TNS3: variants seen among roughly 807,000 people sequenced by gnomAD.
TNS3 encodes the protein tensin 3.
A neutral mutation model predicts 140.9 loss-of-function variants in TNS3; 45 were observed. That is an observed-to-expected ratio of 0.32 (90% CI 0.25 to 0.41). TNS3 has a LOEUF of 0.41. TNS3 is among the 10% of genes least tolerant of loss of function. The pLI is 1.00. For missense variants in TNS3, 1,716 were observed against 1,906.7 expected (o/e 0.90, Z 1.86); for synonymous variants, 815 against 788.4 (o/e 1.03, Z -0.56).
At chr7:47,366,787 G>A (rs1345574486) in intron 17 of TNS3, among the ~76,000 whole-genome samples, 2 of 143,094 alleles carry the variant, frequency 1.4e-5, no homozygotes, top group Non-Finnish European at 3.2e-5. Flanking sequence ...CTGTAAGGCA[G>A]AGACTGGTGC....
intron 16 of TNS3, among the ~76,000 whole-genome samples, chr7:47,386,709 T>C (rs1407058414): frequency 6.6e-6 from 1 of 152,058 alleles, no homozygotes; most frequent in Non-Finnish European, 1.5e-5. Flanking sequence ...GGGAAAGGAG[T>C]GCTGTGAAAA....
chr7:47,551,571 T>TGGGA (rs1309961332), intron 1 of TNS3, among the ~76,000 whole-genome samples: 3 of 152,228 alleles, frequency 2.0e-5, no homozygotes, highest in African/African-American at 7.2e-5. Context: ...GAATAATTCA[T>TGGGA]GCCTTGGGGA....
chr7:47,476,136 T>C (rs1163811474), intron 4 of TNS3, among the ~76,000 whole-genome samples: 1 of 152,228 alleles, frequency 6.6e-6, no homozygotes, highest in Non-Finnish European at 1.5e-5. Flanking sequence ...ACTGAGGATC[T>C]AAGCATGTTA....
intron 1 of TNS3, among the ~76,000 whole-genome samples, chr7:47,553,845 A>C (rs1477455738): frequency 6.6e-6 from 1 of 151,626 alleles, no homozygotes; most frequent in Non-Finnish European, 1.5e-5. Flanking sequence ...CTGGAGTGCA[A>C]TGGTGCAATC....
intron 4 of TNS3, among the ~76,000 whole-genome samples, chr7:47,460,376 C>A (rs1340992477): frequency 6.6e-6 from 1 of 152,200 alleles, no homozygotes; most frequent in Non-Finnish European, 1.5e-5. Flanking sequence ...GCCTTCCAGC[C>A]TCCAGGACTG....
chr7:47,349,346 A>C (rs568703424), intron 17 of TNS3, among the ~76,000 whole-genome samples: 1 of 152,394 alleles, frequency 6.6e-6, no homozygotes, highest in South Asian at 2.1e-4. Flanking sequence ...TGTCTGGTTA[A>C]GCAGAACTAC....
Position 47,276,427 on chromosome 7 carries a change from C to G in TNS3, c.*1649G>C, listed in dbSNP as rs1272234176. ...TCACTTTAAAGCAGAGTTCACAAAGCACATTCCCAAACCCCAGCTCCCTGA... is the reference window on the plus strand; with the variant it reads ...TCACTTTAAAGCAGAGTTCACAAAGGACATTCCCAAACCCCAGCTCCCTGA... On this transcript the variant is annotated 3_prime_UTR_variant, in exon 31 of 31. Coordinates refer to ENST00000311160, the MANE Select transcript of TNS3 (RefSeq NM_022748.12). The G allele has an allele frequency of 6.6e-6, 1 of 152,300 alleles. No homozygotes were observed. The highest frequency in any genetic ancestry group is 1.5e-5 in the Non-Finnish European group (1 of 68,104). 9.4% of individuals were successfully genotyped at this position (152,300 alleles called of 1,614,324 possible).
intron 3 of TNS3, among the ~76,000 whole-genome samples, chr7:47,505,408 A>G (rs1299985580): frequency 6.6e-6 from 1 of 152,200 alleles, no homozygotes; most frequent in Non-Finnish European, 1.5e-5. Flanking sequence ...GTGTGTGAAC[A>G]AGAAATGCCC....
At chr7:47,558,155 GGGA>G (rs1321196217) in intron 1 of TNS3, among the ~76,000 whole-genome samples, 2 of 152,118 alleles carry the variant, frequency 1.3e-5, no homozygotes, top group Non-Finnish European at 2.9e-5. Flanking sequence ...GCAAGAATGA[GGGA>G]GCCCGATTCT....
rs777755264 is a variant in TNS3 at position 47,302,321 on chromosome 7, T to C, written c.3458-49A>G. The stretch of plus-strand genomic sequence containing the variant: ...GTGACCATGATGGGCACTTTTCTTC[T>C]TGCAACCTCTCATCTGCTGTGATCC... On this transcript the variant is annotated intron_variant, in intron 22 of 30. Transcript: ENST00000311160. 11 of 1,425,554 alleles carry C rather than the reference T, an allele frequency of 7.7e-6. 1 individual carries two copies. The South Asian group carries it at 1.3e-4, about 16-fold the overall frequency. 88.3% of individuals were successfully genotyped at this position (1,425,554 alleles called of 1,614,324 possible).
At chr7:47,492,992 G>GGT (rs1797869449) in intron 3 of TNS3, among the ~76,000 whole-genome samples, 1 of 152,216 alleles carries the variant, frequency 6.6e-6, no homozygotes, top group South Asian at 2.1e-4. Flanking sequence ...GCTTCTTGGG[G>GGT]GTCTGTGGCA....
intron 17 of TNS3, among the ~76,000 whole-genome samples, chr7:47,348,547 G>T (rs1789481343): frequency 6.6e-6 from 1 of 152,216 alleles, no homozygotes; most frequent in South Asian, 2.1e-4. Context: ...AACATGCAGT[G>T]TTGCATGAAG....
chr7:47,390,275 G>A (rs1422485786), intron 16 of TNS3, among the ~76,000 whole-genome samples: 2 of 152,224 alleles, frequency 1.3e-5, no homozygotes, highest in Non-Finnish European at 2.9e-5. Flanking sequence ...GTCTGGGGAG[G>A]AAAGTTTTCA....
chr7:47,351,558 T>C (rs1562624861), intron 17 of TNS3, among the ~76,000 whole-genome samples: 1 of 152,024 alleles, frequency 6.6e-6, no homozygotes, highest in African/African-American at 2.4e-5. Context: ...AGGTCCAAGG[T>C]AGATGCCCAG....
At chr7:47,323,635 T>C (rs1260781993) in intron 20 of TNS3, among the ~76,000 whole-genome samples, 1 of 152,218 alleles carries the variant, frequency 6.6e-6, no homozygotes, top group Non-Finnish European at 1.5e-5. Context: ...TCATCACATG[T>C]GGTACTCACC....
At chr7:47,282,069 C>T (rs1047812209) in intron 28 of TNS3, among the ~76,000 whole-genome samples, 10 of 151,866 alleles carry the variant, frequency 6.6e-5, no homozygotes, top group African/African-American at 2.4e-4. Context: ...AACCCTAAGT[C>T]CACCATGTAG....
At chr7:47,339,184 T>C (rs910153121) in intron 20 of TNS3, among the ~76,000 whole-genome samples, 2 of 152,216 alleles carry the variant, frequency 1.3e-5, no homozygotes, top group Non-Finnish European at 2.9e-5. Flanking sequence ...ACAGGTTCTT[T>C]CCATAGCAAA....
chr7:47,455,766 G>C (rs371733767), intron 4 of TNS3, among the ~76,000 whole-genome samples: 1 of 152,174 alleles, frequency 6.6e-6, no homozygotes. Flanking sequence ...TAGAAACCAC[G>C]GCCACTTTGC....
intron 2 of TNS3, 110 bp from the exon 3 acceptor site, chr7:47,507,054 T>C (rs1798444598): frequency 1.1e-6 from 1 of 908,398 alleles, no homozygotes; most frequent in Admixed American, 3.0e-5. Flanking sequence ...GAAGATCCCA[T>C]AGGTGGCCTC....
Sources: allele counts gnomAD v4.1 joint callset (sites outside exome capture counted in the v4.1 genomes callset), GRCh38; gene constraint gnomAD v4.1.1; transcripts MANE v1.5; gene names NCBI Gene and HGNC (gene_info 2026-07-23, HGNC 2026-07-21).